IL1RAPL2: variants seen among roughly 807,000 people sequenced by gnomAD.
The protein encoded by IL1RAPL2 is X-linked interleukin-1 receptor accessory protein-like 2.
In IL1RAPL2, 3 loss-of-function variants were observed where a neutral mutation model predicts 44.1. The ratio of observed to expected loss-of-function variants is 0.07; its 90% confidence interval spans 0.03 to 0.18. IL1RAPL2 has a LOEUF of 0.18. Ranked by LOEUF, IL1RAPL2 falls within the 10% of genes least tolerant of loss-of-function variation. The pLI, the probability that IL1RAPL2 is intolerant of heterozygous loss-of-function variation, is 1.00. For synonymous variants in IL1RAPL2, 181 were observed against 178.8 expected (o/e 1.01, Z -0.10); for missense variants, 391 against 496.4 (o/e 0.79, Z 2.02).
intron 2 of IL1RAPL2, among the ~76,000 whole-genome samples, chrX:105,031,375 T>C (rs2031491348): frequency 9.1e-6 from 1 of 110,399 alleles, no homozygotes; most frequent in Admixed American, 9.7e-5. Context: ...ATATTGGCTG[T>C]GGGTTTGTCA....
chrX:105,327,207 C>T (rs903827451), intron 5 of IL1RAPL2, among the ~76,000 whole-genome samples: 1 of 112,043 alleles, frequency 8.9e-6, no homozygotes, highest in Non-Finnish European at 1.9e-5. Flanking sequence ...GTGGGACACA[C>T]GGGCTCAATA....
chrX:104,575,137 TAAC>T (rs910681697), intron 1 of IL1RAPL2, among the ~76,000 whole-genome samples: 14 of 110,954 alleles, frequency 1.3e-4, no homozygotes, highest in African/African-American at 4.6e-4. Flanking sequence ...AAGTATATAA[TAAC>T]TAAAATATAA....
chrX:105,124,305 A>G (rs1417597185), intron 2 of IL1RAPL2, among the ~76,000 whole-genome samples: 1 of 110,461 alleles, frequency 9.1e-6, no homozygotes, highest in Non-Finnish European at 1.9e-5. Flanking sequence ...TAGAGAAAAC[A>G]GAAATCTCTA....
At chrX:104,774,944 A>G (rs1332337730) in intron 2 of IL1RAPL2, among the ~76,000 whole-genome samples, 1 of 111,701 alleles carries the variant, frequency 9.0e-6, no homozygotes, top group Non-Finnish European at 1.9e-5. Flanking sequence ...TTCTTTTACC[A>G]GTCACGCTAC....
intron 2 of IL1RAPL2, among the ~76,000 whole-genome samples, chrX:104,668,374 G>A (rs1930524399): frequency 9.4e-6 from 1 of 106,373 alleles, no homozygotes; most frequent in Non-Finnish European, 1.9e-5. Context: ...TGTGCACAAT[G>A]TGCAGGTTAG....
chrX:104,582,596 TTTTCTTTCTTTCTTTCTTTCTTTCTTTC>T (rs201257788), intron 1 of IL1RAPL2, among the ~76,000 whole-genome samples: 9 of 52,188 alleles, frequency 1.7e-4, no homozygotes, highest in Non-Finnish European at 3.0e-4. Flanking sequence ...CTTTCTTTCT[TTTTCTTTCTTTCTTTCTTTCTTTCTTTC>T]TTTCTTTCTT....
At chrX:105,431,264 G>A (rs1325477978) in intron 5 of IL1RAPL2, among the ~76,000 whole-genome samples, 3 of 112,053 alleles carry the variant, frequency 2.7e-5, no homozygotes, top group African/African-American at 3.2e-5. Context: ...GAGCGAATAC[G>A]GTCTAACTAG....
At chrX:105,080,863 C>G (rs1017952758) in intron 2 of IL1RAPL2, among the ~76,000 whole-genome samples, 5 of 111,429 alleles carry the variant, frequency 4.5e-5, no homozygotes, top group African/African-American at 1.6e-4. Flanking sequence ...AGAATGTTTT[C>G]CCATTTGTTT....
At chrX:105,750,218 A>C (rs190362429) in intron 9 of IL1RAPL2, among the ~76,000 whole-genome samples, 3 of 107,909 alleles carry the variant, frequency 2.8e-5, no homozygotes. Context: ...AAATTACAGA[A>C]ATTCTTTTTT....
intron 2 of IL1RAPL2, among the ~76,000 whole-genome samples, chrX:104,953,178 A>G (rs1925631134): frequency 8.9e-6 from 1 of 111,777 alleles, no homozygotes; most frequent in African/African-American, 3.3e-5. Flanking sequence ...TGTTCATGGC[A>G]GAGAGGTTAC....
At chrX:105,499,870 C>T (rs1326668024) in intron 6 of IL1RAPL2, among the ~76,000 whole-genome samples, 1 of 111,972 alleles carries the variant, frequency 8.9e-6, no homozygotes, top group Non-Finnish European at 1.9e-5. Flanking sequence ...AAAAATAAAA[C>T]TACCATATCA....
At chrX:105,727,922 T>C (rs1402639565) in intron 7 of IL1RAPL2, among the ~76,000 whole-genome samples, 1 of 111,240 alleles carries the variant, frequency 9.0e-6, no homozygotes, top group Admixed American at 9.5e-5. Flanking sequence ...CAAAATTGAG[T>C]GGAAAGTACA....
chrX:104,674,199 AG>A (rs1412626230), intron 2 of IL1RAPL2, among the ~76,000 whole-genome samples: 6 of 112,036 alleles, frequency 5.4e-5, no homozygotes, highest in African/African-American at 2.0e-4. Flanking sequence ...GAATGCTTCC[AG>A]TTTTTGCCCA....
At chrX:105,490,340 C>A (rs1302137716) in intron 6 of IL1RAPL2, among the ~76,000 whole-genome samples, 1 of 112,071 alleles carries the variant, frequency 8.9e-6, no homozygotes, top group Non-Finnish European at 1.9e-5. Flanking sequence ...CATTTCTAGA[C>A]AAATCTGATC....
At chrX:105,504,566 G>A (rs112873547) in intron 6 of IL1RAPL2, among the ~76,000 whole-genome samples, 6,504 of 110,843 alleles carry the variant, frequency 0.059, 479 homozygotes, top group African/African-American at 0.2. Flanking sequence ...CAATACCGAG[G>A]AGAGCAAAAT....
At chrX:104,637,084 A>G (rs1335171813) in intron 1 of IL1RAPL2, among the ~76,000 whole-genome samples, 2 of 101,389 alleles carry the variant, frequency 2.0e-5, no homozygotes, top group African/African-American at 7.4e-5. Flanking sequence ...TTTTTTTTGT[A>G]GCTATTGTAA....
Position 104,836,096 on chromosome X carries a change from C to A in IL1RAPL2, c.82+177101C>A, listed in dbSNP as rs774824782. On this transcript the variant is annotated intron_variant, in intron 2 of 10. Transcript: ENST00000372582. ...ATTCAGCCATAAAAATAAAGTAATT[C>A]TGTCATTTGCAACAACATAGATGGA... is the stretch of plus-strand genomic sequence containing the variant. 5.4e-5 allele frequency among the ~76,000 whole-genome samples: 6 copies of A among 112,022 alleles called. No homozygotes were observed. In the South Asian group the frequency reaches 1.1e-3, roughly 21 times the overall value.
intron 6 of IL1RAPL2, among the ~76,000 whole-genome samples, chrX:105,594,833 T>C (rs927467268): frequency 1.8e-5 from 2 of 111,017 alleles, no homozygotes; most frequent in Admixed American, 9.6e-5. Flanking sequence ...GAACTAAGCA[T>C]TGGGTACACA....
At chrX:105,311,733 A>G (rs1047825872) in intron 5 of IL1RAPL2, among the ~76,000 whole-genome samples, 2 of 109,543 alleles carry the variant, frequency 1.8e-5, no homozygotes, top group African/African-American at 6.6e-5. Context: ...ATTTTTATCC[A>G]TGGTAGTCCC....
Sources: gnomAD v4.1 joint callset for allele counts (sites outside exome capture counted in the v4.1 genomes callset) on GRCh38, gnomAD v4.1.1 for gene constraint, MANE v1.5 for transcripts, NCBI Gene and HGNC (gene_info 2026-07-23, HGNC 2026-07-21) for gene names.